The following ACTR3C variants were observed in gnomAD, a reference collection of about 807,000 sequenced individuals.
ACTR3C encodes actin-related protein 3C.
Under a neutral mutation model 26.3 loss-of-function variants are expected in ACTR3C, and 18 were observed. The observed-to-expected ratio is 0.68, with a 90% CI of 0.47 to 1.01. The LOEUF (loss-of-function observed/expected upper bound fraction) is 1.01, where lower values mean the gene tolerates loss of function less well. Ranked by LOEUF, ACTR3C falls within the 50% of genes least tolerant of loss-of-function variation. The probability of loss-of-function intolerance (pLI) is 0.00; values close to 1 mark genes in which losing one functional copy is unlikely to be tolerated. For synonymous variants in ACTR3C, 55 were observed against 94.5 expected, an observed-to-expected ratio of 0.58 and a Z score of 2.42; for missense variants, 184 against 250.7, an observed-to-expected ratio of 0.73 and a Z score of 1.80.
At chr7:150,079,719 C>T in the ACTR3C span, among the ~76,000 whole-genome samples, 1 of 152,142 alleles carries the variant, frequency 6.6e-6, no homozygotes, top group African/African-American at 2.4e-5. Context: ...ACAGTGGGGG[C>T]AGTGATTTTT....
the ACTR3C span, among the ~76,000 whole-genome samples, chr7:149,934,805 A>G: frequency 7.1e-6 from 1 of 141,360 alleles, no homozygotes; most frequent in African/African-American, 2.7e-5. Context: ...GATGAACCCA[A>G]GTGCATTTTC....
the ACTR3C span, among the ~76,000 whole-genome samples, chr7:149,941,229 AG>A: frequency 6.6e-6 from 1 of 152,174 alleles, no homozygotes; most frequent in African/African-American, 2.4e-5. Flanking sequence ...TATAAATGGA[AG>A]TTTACACTCA....
At chr7:150,114,223 C>G in the ACTR3C span, among the ~76,000 whole-genome samples, 1 of 152,176 alleles carries the variant, frequency 6.6e-6, no homozygotes, top group Non-Finnish European at 1.5e-5. Flanking sequence ...AAATCACGCT[C>G]AATCCCGGCA....
At chr7:149,900,713 G>A in the ACTR3C span, among the ~76,000 whole-genome samples, 23 of 152,282 alleles carry the variant, frequency 1.5e-4, no homozygotes, top group Middle Eastern at 6.8e-3. Flanking sequence ...GAGATTCAAT[G>A]TATATCAAGG....
chr7:150,252,158 G>T (rs530588997), intron 6 of ACTR3C, among the ~76,000 whole-genome samples: 1 of 152,168 alleles, frequency 6.6e-6, no homozygotes, highest in South Asian at 2.1e-4. Flanking sequence ...ATGTGTGTGT[G>T]TGTGTGTGTG....
the ACTR3C span, among the ~76,000 whole-genome samples, chr7:150,090,891 G>T: frequency 6.6e-6 from 1 of 152,204 alleles, no homozygotes. Context: ...GGCTGACTCT[G>T]GGGTGAGAAA....
chr7:150,041,912 G>GA, the ACTR3C span, among the ~76,000 whole-genome samples: 12 of 3,568 alleles, frequency 3.4e-3, no homozygotes, highest in Non-Finnish European at 4.6e-3. Context: ...CTCAGAGCCA[G>GA]GGGGGGAAGA....
chr7:150,122,522 T>C, the ACTR3C span, among the ~76,000 whole-genome samples: 34 of 152,170 alleles, frequency 2.2e-4, no homozygotes, highest in Middle Eastern at 6.8e-3. Context: ...GAAATACAAA[T>C]CAAAACCACA....
chr7:150,036,601 G>A, the ACTR3C span, among the ~76,000 whole-genome samples: 10 of 142,928 alleles, frequency 7.0e-5, no homozygotes, highest in African/African-American at 2.3e-4. Flanking sequence ...ATACTGCAAT[G>A]TTTGGGATCC....
chr7:150,176,034 C>T, the ACTR3C span, among the ~76,000 whole-genome samples: 2 of 150,450 alleles, frequency 1.3e-5, no homozygotes, highest in Non-Finnish European at 2.9e-5. Flanking sequence ...ATAATATAGA[C>T]GTAGTCAGTC....
the ACTR3C span, among the ~76,000 whole-genome samples, chr7:150,063,633 C>A: frequency 5.9e-4 from 89 of 151,708 alleles, no homozygotes; most frequent in East Asian, 0.017. Context: ...CACAAATCAA[C>A]CTTGAACTGA....
At chr7:150,240,570 T>G (rs1427858581), downstream of ACTR3C, among the ~76,000 whole-genome samples, 1 of 152,096 alleles carries the variant, frequency 6.6e-6, no homozygotes, top group East Asian at 1.9e-4. Flanking sequence ...ATCCTACAAC[T>G]TTTTTTAAAA....
chr7:149,969,865 G>A, the ACTR3C span, among the ~76,000 whole-genome samples: 8 of 152,246 alleles, frequency 5.3e-5, no homozygotes, highest in South Asian at 6.2e-4. Flanking sequence ...AAGAAGAAGA[G>A]GGGATACAGC....
the ACTR3C span, among the ~76,000 whole-genome samples, chr7:150,038,964 G>A: frequency 1.6e-3 from 144 of 92,590 alleles, 27 homozygotes; most frequent in South Asian, 2.8e-3. Flanking sequence ...CTTGTGGTGG[G>A]TGCCTCCCCC....
chr7:150,245,033 G>A (rs1311125709), downstream of ACTR3C: 1 of 152,186 alleles, frequency 6.6e-6, no homozygotes, highest in African/African-American at 2.4e-5. Flanking sequence ...TATTAAAACT[G>A]GATTTCTTCA....
rs1208594174 is a variant in ACTR3C, at chr7:150,270,491, C to A, written c.564+14262G>T. Reference sequence around the variant, plus strand: ...TGCCAAAGTCACACAACTGAACAAGCAGTAGGCAGGGCAGAACACACACCT... The same window carrying A: ...TGCCAAAGTCACACAACTGAACAAGAAGTAGGCAGGGCAGAACACACACCT... On this transcript the variant is annotated intron_variant, in intron 6 of 7. Coordinates refer to ENST00000683684, the MANE Select transcript of ACTR3C (RefSeq NM_001164458.2). 6.0e-5 allele frequency among the ~76,000 whole-genome samples: 9 copies of A among 148,796 alleles called. 1 individual carries two copies. In the East Asian group the frequency reaches 1.8e-3, roughly 30 times the overall value.
the ACTR3C span, among the ~76,000 whole-genome samples, chr7:150,188,544 A>G: frequency 0.015 from 2,179 of 149,048 alleles, 73 homozygotes; most frequent in African/African-American, 0.054. Context: ...CTGTTTTCCA[A>G]AGTAGCTGCT....
chr7:150,198,423 A>C, the ACTR3C span, among the ~76,000 whole-genome samples: 7 of 132,136 alleles, frequency 5.3e-5, no homozygotes, highest in East Asian at 2.3e-4. Context: ...AGCCGCCATC[A>C]CATCTAGGAA....
At chr7:150,003,149 TGTGTGTATG>T in the ACTR3C span, 1 of 149,752 alleles carries the variant, frequency 6.7e-6, no homozygotes, top group Non-Finnish European at 1.5e-5. Flanking sequence ...TGTGTGTTTG[TGTGTGTATG>T]GTGTGTGTGT....
Sources: gnomAD v4.1 joint callset for allele counts (sites outside exome capture counted in the v4.1 genomes callset) on GRCh38, gnomAD v4.1.1 for gene constraint, MANE v1.5 for transcripts, NCBI Gene and HGNC (gene_info 2026-07-23, HGNC 2026-07-21) for gene names.